FARSB: variants seen among roughly 807,000 people sequenced by gnomAD.
FARSB encodes phenylalanyl-tRNA synthetase subunit beta, also known as phenylalanine--tRNA ligase beta subunit.
A neutral mutation model predicts 69.6 loss-of-function variants in FARSB; 40 were observed. The ratio of observed to expected loss-of-function variants is 0.57; its 90% CI spans 0.45 to 0.75. The LOEUF (loss-of-function observed/expected upper bound fraction) is 0.75. FARSB is among the 30% of genes least tolerant of loss of function. The probability of loss-of-function intolerance (pLI) is 0.00; values close to 1 mark genes in which losing one functional copy is unlikely to be tolerated. For missense variants in FARSB, 632 were observed against 722.9 expected (o/e 0.87, Z 1.44); for synonymous variants, 235 against 247.2 (o/e 0.95, Z 0.46).
Position 222,619,746 on chromosome 2 carries a change from TAC to T in FARSB, c.1252-11_1252-10del, listed in dbSNP as rs774333535. On this transcript the variant is annotated splice_polypyrimidine_tract_variant and intron_variant, in intron 13 of 16. Coordinates refer to ENST00000281828, the MANE Select transcript of FARSB (RefSeq NM_005687.5). ...ATATCTTCTTGGGAGCACTGTGAAGTACACACAAAACAGATTAATATGGAAAA... is the reference window on the plus strand; with the variant it reads ...ATATCTTCTTGGGAGCACTGTGAAGTACACAAAACAGATTAATATGGAAAA... 6.7e-7 allele frequency: 1 copy of T among 1,484,630 alleles called. No individual in the cohort carries two copies. The highest frequency in any genetic ancestry group is 9.4e-7 in the Non-Finnish European group (1 of 1,063,488). 92.0% of individuals were successfully genotyped at this position (1,484,630 alleles called of 1,614,324 possible).
At chr2:222,608,570 G>C (rs1690765655) in intron 15 of FARSB, among the ~76,000 whole-genome samples, 1 of 151,880 alleles carries the variant, frequency 6.6e-6, no homozygotes, top group African/African-American at 2.4e-5. Flanking sequence ...GAGGAGAAAG[G>C]AACAAGAATC....
intron 3 of FARSB, among the ~76,000 whole-genome samples, chr2:222,641,989 T>G (rs1395386301): frequency 7.1e-6 from 1 of 140,818 alleles, no homozygotes; most frequent in Non-Finnish European, 1.5e-5. Flanking sequence ...CTGTATATAT[T>G]TGTTATCCTC....
rs115086669 is a variant in FARSB at position 222,655,465 on chromosome 2, C to T, written c.58+551G>A. Among the ~76,000 whole-genome samples the T allele has an allele frequency of 9.7e-3, 1,476 of 152,264 alleles. 20 individuals are homozygous for T. Among genetic ancestry groups the T allele is most frequent in the African/African-American group, 0.034 (1,419 of 41,526 alleles). Reference sequence around the variant, plus strand: ...TATCCGAAATCATTTTATTAACGTGCTGGTTAATTGTCTGCCTCCATCAGA... The same window carrying T: ...TATCCGAAATCATTTTATTAACGTGTTGGTTAATTGTCTGCCTCCATCAGA... On this transcript the variant is annotated intron_variant, in intron 1 of 16. Coordinates refer to ENST00000281828, the MANE Select transcript of FARSB (RefSeq NM_005687.5).
At chr2:222,572,951 C>T (rs1689751429) in intron 16 of FARSB, among the ~76,000 whole-genome samples, 1 of 152,214 alleles carries the variant, frequency 6.6e-6, no homozygotes. Flanking sequence ...CAGCTCCTGA[C>T]AGATTCAACA....
At chr2:222,594,085 C>T (rs1327140211) in intron 16 of FARSB, among the ~76,000 whole-genome samples, 10 of 132,554 alleles carry the variant, frequency 7.5e-5, no homozygotes, top group Non-Finnish European at 1.4e-4. Context: ...GGCAAAAACC[C>T]GCCTCTACAA....
intron 16 of FARSB, among the ~76,000 whole-genome samples, chr2:222,598,703 T>C (rs1304958954): frequency 2.6e-5 from 4 of 152,064 alleles, no homozygotes; most frequent in Non-Finnish European, 4.4e-5. Flanking sequence ...CAGACAACAC[T>C]GGCAAGGATA....
intron 14 of FARSB, 129 bp downstream of exon 14, chr2:222,619,516 A>G: frequency 1.7e-6 from 1 of 592,970 alleles, no homozygotes. Context: ...CTATAAACTT[A>G]CCCAAGAAGA....
rs759459318 is a variant in FARSB, at chr2:222,619,759, GATT to G, written c.1252-25_1252-23del. The G allele has an allele frequency of 4.6e-6, 6 of 1,303,410 alleles. No homozygotes were observed. The South Asian group carries it at 6.0e-5, about 13-fold the overall frequency. 80.7% of individuals were successfully genotyped at this position (1,303,410 alleles called of 1,614,324 possible). ...AGCACTGTGAAGTACACACAAAACA[GATT>G]AATATGGAAAAGCAATTACTTAAGT... On this transcript the variant is annotated intron_variant, in intron 13 of 16. Coordinates refer to ENST00000281828, the MANE Select transcript of FARSB (RefSeq NM_005687.5).
chr2:222,624,827 TAG>T, intron 10 of FARSB, 52 bp from the exon 11 acceptor site: 1 of 1,138,050 alleles, frequency 8.8e-7, no homozygotes, highest in Non-Finnish European at 1.3e-6. Context: ...GATACAGCTT[TAG>T]AGTCTTTTCC....
intron 15 of FARSB, among the ~76,000 whole-genome samples, chr2:222,609,728 G>T (rs1199054894): frequency 1.3e-5 from 2 of 152,104 alleles, no homozygotes; most frequent in African/African-American, 2.4e-5. Context: ...CAGCCTGACG[G>T]CCTCATACAA....
chr2:222,613,924 GC>G lies in FARSB; in HGVS notation c.1348del (p.Ala450HisfsTer10). ...GAGGCCAGGAAGAAGGGTAGTGCGT[GC>G]CACCTACAGGAAAAGACATGAAATT... ...SNPKTAEFQV[A>X]RTTLLPGLLK... On this transcript the variant is annotated frameshift_variant, in exon 15 of 17. Coordinates refer to ENST00000281828, the MANE Select transcript of FARSB (RefSeq NM_005687.5). LOFTEE classifies it high-confidence loss of function. The G allele has an allele frequency of 1.2e-6, 2 of 1,604,278 alleles. No homozygotes were observed. The highest frequency in any genetic ancestry group is 1.7e-6 in the Non-Finnish European group (2 of 1,171,272).
At chr2:222,653,928 G>T (rs1412578096) in intron 1 of FARSB, among the ~76,000 whole-genome samples, 4 of 151,922 alleles carry the variant, frequency 2.6e-5, no homozygotes, top group Admixed American at 2.0e-4. Flanking sequence ...GACCTTAAAA[G>T]ATTCAGTAGC....
intron 8 of FARSB, among the ~76,000 whole-genome samples, chr2:222,630,475 T>C (rs1432357793): frequency 6.6e-6 from 1 of 152,094 alleles, no homozygotes; most frequent in Non-Finnish European, 1.5e-5. Context: ...CTGGAATAAA[T>C]CTTAACAATC....
At position 222,652,448 on chromosome 2, in the gene FARSB, G is replaced by T. The variant is rs1004343214; in HGVS notation, c.58+3568C>A. 3.3e-5 allele frequency among the ~76,000 whole-genome samples: 5 copies of T among 152,162 alleles called. No homozygotes were observed. The East Asian group carries it at 9.6e-4, about 29-fold the overall frequency. On this transcript the variant is annotated intron_variant, in intron 1 of 16. Transcript: ENST00000281828. The stretch of plus-strand genomic sequence containing the variant: ...TTGGTCTGTGATCAAGAGAATATGA[G>T]AAGGGCTAGTGTATCACTTCTGAGC...
At chr2:222,597,300 T>C (rs1690444927) in intron 16 of FARSB, among the ~76,000 whole-genome samples, 1 of 152,112 alleles carries the variant, frequency 6.6e-6, no homozygotes, top group South Asian at 2.1e-4. Context: ...CCAATGTAGA[T>C]TCAAAAGGAA....
chr2:222,617,778 G>A (rs1184211358), intron 14 of FARSB, among the ~76,000 whole-genome samples: 1 of 152,230 alleles, frequency 6.6e-6, no homozygotes, highest in African/African-American at 2.4e-5. Context: ...AGCTACTCGG[G>A]AGGCTGGGGC....
intron 5 of FARSB, among the ~76,000 whole-genome samples, chr2:222,636,230 C>T (rs1293187171): frequency 6.6e-6 from 1 of 151,736 alleles, no homozygotes; most frequent in Admixed American, 6.6e-5. Context: ...CATGGTGAAA[C>T]CCCGTCTCTA....
rs924551234 is a variant in FARSB at position 222,613,575 on chromosome 2, A to G, written c.1462+236T>C. Among the ~76,000 whole-genome samples, 3 of 152,158 alleles carry G rather than the reference A, an allele frequency of 2.0e-5. No individual in the cohort carries two copies. The South Asian group carries it at 6.2e-4, about 32-fold the overall frequency. On this transcript the variant is annotated intron_variant, in intron 15 of 16. Coordinates refer to ENST00000281828, the MANE Select transcript of FARSB (RefSeq NM_005687.5). The stretch of plus-strand genomic sequence containing the variant: ...AAAAATAAATAAATAAATACATACT[A>G]AAGTGTTTGCTGATGAAATGATACA...
At chr2:222,595,870 T>G (rs964194217) in intron 16 of FARSB, among the ~76,000 whole-genome samples, 2 of 151,508 alleles carry the variant, frequency 1.3e-5, no homozygotes, top group African/African-American at 4.8e-5. Context: ...TAATTAAGTT[T>G]GCAACAAACC....
Sources: gnomAD v4.1 joint callset for allele counts (sites outside exome capture counted in the v4.1 genomes callset) on GRCh38, gnomAD v4.1.1 for gene constraint, MANE v1.5 for transcripts, NCBI Gene and HGNC (gene_info 2026-07-23, HGNC 2026-07-21) for gene names.